ZNF365: variants seen among roughly 807,000 people sequenced by gnomAD.
ZNF365 encodes protein ZNF365.
In ZNF365, 22 loss-of-function variants were observed where a neutral mutation model predicts 35.0. The observed-to-expected ratio is 0.63, with a 90% CI of 0.45 to 0.90. The LOEUF is 0.90. ZNF365 is among the 40% of genes least tolerant of loss of function. The probability of loss-of-function intolerance (pLI) is 0.00; values close to 1 mark genes in which losing one functional copy is unlikely to be tolerated. For missense variants in ZNF365, 448 were observed against 500.3 expected (o/e 0.90, Z 1.00); for synonymous variants, 188 against 196.2 (o/e 0.96, Z 0.35).
At chr10:62,454,313 G>A (rs974209700) in intron 3 of ZNF365, among the ~76,000 whole-genome samples, 24 of 152,174 alleles carry the variant, frequency 1.6e-4, no homozygotes, top group African/African-American at 5.3e-4. Context: ...AGAAGGTCTA[G>A]ACCAGTAATT....
chr10:62,388,181 A>G (rs527591015), intron 2 of ZNF365, among the ~76,000 whole-genome samples: 10 of 152,304 alleles, frequency 6.6e-5, no homozygotes, highest in African/African-American at 2.4e-4. Flanking sequence ...CATCTGACAT[A>G]TATTTATTTG....
intron 3 of ZNF365, among the ~76,000 whole-genome samples, chr10:62,439,917 C>T (rs1306192431): frequency 1.3e-5 from 2 of 152,116 alleles, no homozygotes; most frequent in Non-Finnish European, 2.9e-5. Flanking sequence ...AGAACCTGGC[C>T]CAGTGCTTGA....
chr10:62,459,799 T>C lies in ZNF365; in HGVS notation c.981+2T>C, dbSNP rs908563036. On this transcript the variant is annotated splice_donor_variant, in intron 4 of 4. Coordinates refer to the ZNF365 transcript ENST00000395255. LOFTEE classifies it high-confidence loss of function. Reference sequence around the variant, plus strand: ...TGCCAAAATGACCTGGAATTGGAGGTAAAGCCACCACCTGGGTGGGTGGGT... The same window carrying C: ...TGCCAAAATGACCTGGAATTGGAGGCAAAGCCACCACCTGGGTGGGTGGGT... The C allele has an allele frequency of 1.5e-5, 24 of 1,605,058 alleles. No individual in the cohort carries two copies. The highest frequency in any genetic ancestry group is 2.0e-5 in the Non-Finnish European group (24 of 1,175,914).
At chr10:62,382,319 G>A (rs945098893) in intron 2 of ZNF365, among the ~76,000 whole-genome samples, 1 of 152,178 alleles carries the variant, frequency 6.6e-6, no homozygotes, top group African/African-American at 2.4e-5. Context: ...AGAGGTCAGC[G>A]GGGTGGAGAA....
At chr10:62,389,596 A>T (rs189289928) in intron 3 of ZNF365, among the ~76,000 whole-genome samples, 1 of 152,332 alleles carries the variant, frequency 6.6e-6, no homozygotes. Flanking sequence ...TGAAAAGGCA[A>T]CATGATTAAA....
At chr10:62,459,520 A>G (rs1002069148) in intron 3 of ZNF365, among the ~76,000 whole-genome samples, 1 of 152,254 alleles carries the variant, frequency 6.6e-6, no homozygotes, top group Non-Finnish European at 1.5e-5. Context: ...TATGATTTTT[A>G]ATATAGGGTA....
At chr10:62,395,242 C>T (rs118033972) in intron 3 of ZNF365, among the ~76,000 whole-genome samples, 55 of 152,160 alleles carry the variant, frequency 3.6e-4, no homozygotes, top group Admixed American at 2.6e-3. Context: ...TGATGATATC[C>T]TGGGCACAGA....
At chr10:62,376,139 T>C (rs1839321292) in intron 1 of ZNF365, 42 bp from the exon 2 acceptor site, 1 of 1,592,150 alleles carries the variant, frequency 6.3e-7, no homozygotes, top group African/African-American at 1.3e-5. Flanking sequence ...TAGTAGTGTG[T>C]TTTTCAGCCG....
At chr10:62,479,861 G>A (rs1841193776) in intron 4 of ZNF365, 2 of 1,588,428 alleles carry the variant, frequency 1.3e-6, no homozygotes, top group Non-Finnish European at 1.7e-6. Flanking sequence ...CTTTCCTTTT[G>A]GCTTTTATGA....
chr10:62,478,730 C>A (rs529220106), intron 4 of ZNF365, among the ~76,000 whole-genome samples: 2 of 152,284 alleles, frequency 1.3e-5, no homozygotes, highest in East Asian at 3.9e-4. Context: ...CCTGCCACTA[C>A]ACCCGGCTAA....
In ZNF365 at chr10:62,400,164, T is replaced by C. The variant is rs1249467911; in HGVS notation, c.*375T>C. ...GTCAGGCCTAGGGAGAAAATTCATC[T>C]GTGCCCACTGCTCTCCAAAGTGCGA... On this transcript the variant is annotated 3_prime_UTR_variant, in exon 5 of 5. Coordinates refer to ENST00000395254, the MANE Select transcript of ZNF365 (RefSeq NM_014951.3). The C allele has an allele frequency of 9.8e-7, 1 of 1,019,832 alleles. No individual in the cohort carries two copies. The highest frequency in any genetic ancestry group is 4.2e-5 in the South Asian group (1 of 23,892). 63.2% of individuals were successfully genotyped at this position (1,019,832 alleles called of 1,614,324 possible).
intron 2 of ZNF365, among the ~76,000 whole-genome samples, chr10:62,384,480 CTG>C (rs1388632989): frequency 1.3e-5 from 2 of 152,122 alleles, no homozygotes; most frequent in Non-Finnish European, 2.9e-5. Context: ...TGAAAAATAA[CTG>C]TTTTCCCAAA....
intron 4 of ZNF365, among the ~76,000 whole-genome samples, chr10:62,475,142 C>T (rs1391278456): frequency 1.3e-5 from 2 of 152,232 alleles, no homozygotes; most frequent in Non-Finnish European, 2.9e-5. Flanking sequence ...CTCCTTTCCC[C>T]TATTTCAACA....
chr10:62,386,227 G>C (rs375512564), intron 2 of ZNF365, among the ~76,000 whole-genome samples: 6 of 152,196 alleles, frequency 3.9e-5, no homozygotes, highest in East Asian at 3.9e-4. Context: ...AGATCAAAGT[G>C]AATGACGGTA....
chr10:62,470,102 C>G (rs1354277637), intron 4 of ZNF365, among the ~76,000 whole-genome samples: 1 of 152,026 alleles, frequency 6.6e-6, no homozygotes, highest in Non-Finnish European at 1.5e-5. Context: ...TTGCCTATAA[C>G]TTTGGTTAGT....
At chr10:62,377,297 G>C (rs10821985) in intron 2 of ZNF365, among the ~76,000 whole-genome samples, 76,482 of 152,180 alleles carry the variant, frequency 0.5, 22,501 homozygotes, top group East Asian at 0.78. Context: ...GGTGAGCTAA[G>C]TGAGCTGTTC....
chr10:62,472,900 CTT>C (rs1349947875), intron 4 of ZNF365, among the ~76,000 whole-genome samples: 1 of 151,942 alleles, frequency 6.6e-6, no homozygotes, highest in Non-Finnish European at 1.5e-5. Flanking sequence ...CAAAAACAGA[CTT>C]AGGGTGAAAA....
chr10:62,387,574 AAGG>A (rs1252913268), intron 2 of ZNF365, among the ~76,000 whole-genome samples: 1 of 152,188 alleles, frequency 6.6e-6, no homozygotes, highest in Non-Finnish European at 1.5e-5. Flanking sequence ...TATGTAGATA[AAGG>A]AGTAGTTGAA....
chr10:62,450,692 T>C (rs1473564191), intron 3 of ZNF365, among the ~76,000 whole-genome samples: 1 of 152,038 alleles, frequency 6.6e-6, no homozygotes, highest in Admixed American at 6.5e-5. Flanking sequence ...AACAAACAAC[T>C]GAATAACAAC....
Sources: allele counts gnomAD v4.1 joint callset (sites outside exome capture counted in the v4.1 genomes callset), GRCh38; gene constraint gnomAD v4.1.1; transcripts MANE v1.5; gene names NCBI Gene and HGNC (gene_info 2026-07-23, HGNC 2026-07-21).